YLPM1: variants seen among roughly 807,000 people sequenced by gnomAD.
YLPM1 encodes YLP motif containing 1, also known as YLP motif-containing protein 1.
In YLPM1, 99 loss-of-function variants were observed where a neutral mutation model predicts 230.0. That is an observed-to-expected ratio of 0.43 (90% CI 0.37 to 0.51). The LOEUF (loss-of-function observed/expected upper bound fraction) is 0.51. Ranked by LOEUF, YLPM1 falls within the 20% of genes least tolerant of loss-of-function variation. The pLI is 0.00. For missense variants in YLPM1, 2,592 were observed against 2,707.7 expected (o/e 0.96, Z 0.95); for synonymous variants, 984 against 942.5 (o/e 1.04, Z -0.81).
At chr14:74,808,601 G>T (rs1372554474) in intron 6 of YLPM1, among the ~76,000 whole-genome samples, 1 of 151,912 alleles carries the variant, frequency 6.6e-6, no homozygotes, top group Non-Finnish European at 1.5e-5. Context: ...TCAGGAGTTC[G>T]AGACCAGCCT....
At position 74,781,816 on chromosome 14, in the gene YLPM1, C is replaced by T. The variant is rs1174526521; in HGVS notation, c.1773C>T (p.Leu591=). Residue 591 remains leucine, a synonymous_variant, in exon 4 of 21, where the codon CTC becomes CTT. Transcript: ENST00000325680. ...SLSSAGPPPV[L]PPPSLSSAGP... ...CTTCTGCAGGGCCACCACCAGTTCT[C>T]CCCCCACCTTCCCTGTCTTCTGCAG... is the stretch of plus-strand genomic sequence containing the variant. 6.2e-7 allele frequency: 1 copy of T among 1,611,080 alleles called. No individual in the cohort carries two copies. Among genetic ancestry groups the T allele is most frequent in the Non-Finnish European group, 8.5e-7 (1 of 1,178,700 alleles).
intron 1 of YLPM1, among the ~76,000 whole-genome samples, chr14:74,773,212 C>T (rs1054468738): frequency 2.6e-5 from 4 of 152,042 alleles, no homozygotes; most frequent in African/African-American, 7.2e-5. Context: ...GGCGTGAACT[C>T]GGGAGGCGGA....
At chr14:74,775,397 A>G (rs937795095) in intron 1 of YLPM1, among the ~76,000 whole-genome samples, 2 of 152,220 alleles carry the variant, frequency 1.3e-5, no homozygotes, top group Non-Finnish European at 2.9e-5. Context: ...GGTATGTATT[A>G]TGTATATTTA....
At position 74,798,076 on chromosome 14, in the gene YLPM1, A is replaced by G. The variant is rs1320856314; in HGVS notation, c.2779A>G (p.Asn927Asp). ...GPVEPSNWDQ[N>D]VQSMETQIDK... ...CGTAGAGCCCTCTAATTGGGACCAG[A>G]ATGTTCAAAGTATGGAGACTCAAAT... The change falls in exon 5 of 21, where the codon AAT becomes GAT. Residue 927 changes from asparagine to aspartate, a missense_variant. By Grantham distance (23) the Asn-to-Asp change is conservative (BLOSUM62 1). Transcript: ENST00000325680. 6.8e-6 allele frequency: 11 copies of G among 1,613,872 alleles called. No individual in the cohort carries two copies. The highest frequency in any genetic ancestry group is 7.6e-6 in the Non-Finnish European group (9 of 1,179,902).
intron 4 of YLPM1, among the ~76,000 whole-genome samples, chr14:74,794,941 C>A (rs1453176229): frequency 6.7e-6 from 1 of 149,878 alleles, no homozygotes; most frequent in Non-Finnish European, 1.5e-5. Context: ...TCAGCCAGTT[C>A]GGATTCCTTG....
At chr14:74,819,232 CTGTT>C (rs566928063) in intron 16 of YLPM1, among the ~76,000 whole-genome samples, 39 of 143,554 alleles carry the variant, frequency 2.7e-4, no homozygotes, top group East Asian at 2.4e-3. Flanking sequence ...TTGTAGGTTT[CTGTT>C]TGTTTGACCT....
chr14:74,821,296 T>C, intron 17 of YLPM1, 159 bp downstream of exon 17: 3 of 1,131,268 alleles, frequency 2.7e-6, no homozygotes, highest in Non-Finnish European at 2.4e-6. Flanking sequence ...TACTCTTTAT[T>C]TTTCCCCAGA....
chr14:74,813,996 A>G (rs1051869229), intron 11 of YLPM1, among the ~76,000 whole-genome samples: 8 of 152,224 alleles, frequency 5.3e-5, no homozygotes, highest in Non-Finnish European at 2.9e-5. Context: ...GCAGTGTTGA[A>G]TAGACATGGC....
In YLPM1 at chr14:74,824,385, C is replaced by A; in HGVS notation, c.6163+78C>A. On this transcript the variant is annotated intron_variant, in intron 18 of 20. Coordinates refer to ENST00000325680, the MANE Select transcript of YLPM1 (RefSeq NM_019589.3). The stretch of plus-strand genomic sequence containing the variant: ...ATAGATCTTTCTGCTATAAGAGGAA[C>A]AAATTTCCTAAAACTTCTACTTGAA... 2.1e-6 allele frequency: 3 copies of A among 1,437,170 alleles called. 1 individual carries two copies. Among genetic ancestry groups the A allele is most frequent in the Middle Eastern group, 3.5e-4 (2 of 5,650 alleles). 89.0% of individuals were successfully genotyped at this position (1,437,170 alleles called of 1,614,324 possible).
chr14:74,778,526 A>G lies in YLPM1; in HGVS notation c.953A>G (p.Lys318Arg). Residue 318 changes from lysine (K) to arginine (R), a missense_variant, in exon 2 of 21, where the codon AAG becomes AGG. Coordinates refer to ENST00000325680, the MANE Select transcript of YLPM1 (RefSeq NM_019589.3). ...AAAGTTCATTTGCCAGGACACAAAA[A>G]GGGTCCTGTGGTAGCAAAGGATACA... Reference protein sequence around the residue: ...RTKVHLPGHKKGPVVAKDTPE... With the variant: ...RTKVHLPGHKRGPVVAKDTPE... 1 of 1,607,988 alleles carries G rather than the reference A, an allele frequency of 6.2e-7. No homozygotes were observed.
chr14:74,772,273 C>G (rs1185237409), intron 1 of YLPM1, among the ~76,000 whole-genome samples: 2 of 147,504 alleles, frequency 1.4e-5, no homozygotes, highest in African/African-American at 5.0e-5. Flanking sequence ...CCAGGCTGGT[C>G]TGAATTCCTG....
intron 1 of YLPM1, among the ~76,000 whole-genome samples, chr14:74,776,733 C>T (rs769736265): frequency 1.3e-5 from 2 of 152,098 alleles, no homozygotes; most frequent in Non-Finnish European, 1.5e-5. Context: ...TTGTGAATGA[C>T]TGGGAAAGCT....
intron 1 of YLPM1, among the ~76,000 whole-genome samples, chr14:74,772,408 T>G (rs1337691819): frequency 6.6e-6 from 1 of 151,502 alleles, no homozygotes; most frequent in Admixed American, 6.6e-5. Flanking sequence ...CAGGCTGAAG[T>G]GCAGTGGCGC....
At chr14:74,827,925 CAT>C (rs774188454) in intron 18 of YLPM1, 615 of 985,270 alleles carry the variant, frequency 6.2e-4, no homozygotes, top group Non-Finnish European at 7.0e-4. Context: ...GGAATCCATA[CAT>C]GTTAAAATTT....
In YLPM1 at chr14:74,799,030, G is replaced by C. The variant is rs370561866; in HGVS notation, c.3733G>C (p.Glu1245Gln). 6.8e-6 allele frequency: 11 copies of C among 1,613,894 alleles called. No homozygotes were observed. In the African/African-American group the frequency reaches 1.1e-4, roughly 16 times the overall value. Residue 1245 changes from glutamate (E) to glutamine (Q), a missense_variant, in exon 5 of 21, where the codon GAG (glutamate) becomes CAG (glutamine). Glu to Gln is a conservative substitution (Grantham distance 29). This residue lies in a region of YLPM1 where 1,862 missense variants were observed against 1,819.8 expected (regional missense o/e 1.02). Transcript: ENST00000325680. ...QDDTLELYNREDRFSAPPSRS... is the reference protein window; with the variant it reads ...QDDTLELYNRQDRFSAPPSRS... ...TGATACACTAGAGCTCTATAACAGAGAGGACAGGTTCTCAGCACCACCATC... is the reference window on the plus strand; with the variant it reads ...TGATACACTAGAGCTCTATAACAGACAGGACAGGTTCTCAGCACCACCATC...
chr14:74,814,361 TAAA>T (rs946313690), intron 11 of YLPM1, among the ~76,000 whole-genome samples: 3 of 151,882 alleles, frequency 2.0e-5, no homozygotes, highest in Admixed American at 1.3e-4. Context: ...ACTCCGTCTT[TAAA>T]AAAAAGAAGA....
chr14:74,823,374 A>G (rs991069861), intron 17 of YLPM1, among the ~76,000 whole-genome samples: 1 of 152,152 alleles, frequency 6.6e-6, no homozygotes, highest in East Asian at 1.9e-4. Flanking sequence ...AAAACAGTCT[A>G]AATGAAGGTA....
intron 13 of YLPM1, 21 bp downstream of exon 13, chr14:74,816,711 C>G: frequency 1.9e-6 from 3 of 1,598,366 alleles, no homozygotes; most frequent in Non-Finnish European, 2.6e-6. Context: ...CATCTCAGAT[C>G]TCGTTCTGAT....
intron 1 of YLPM1, among the ~76,000 whole-genome samples, chr14:74,769,459 G>GT: frequency 6.6e-6 from 1 of 151,648 alleles, no homozygotes; most frequent in Non-Finnish European, 1.5e-5. Context: ...GCTAATTTTT[G>GT]TATTTTTAGT....
Sources: allele counts gnomAD v4.1 joint callset (sites outside exome capture counted in the v4.1 genomes callset), GRCh38; gene constraint gnomAD v4.1.1; regional missense constraint gnomAD v4.1.1; transcripts MANE v1.5; gene names NCBI Gene and HGNC (gene_info 2026-07-23, HGNC 2026-07-21).